Variants in PER1 observed in about 807,000 individuals in gnomAD.
PER1 encodes the protein period circadian protein homolog 1.
A neutral mutation model predicts 125.9 loss-of-function variants in PER1; 87 were observed. The observed-to-expected ratio is 0.69, with a 90% confidence interval of 0.58 to 0.83. The LOEUF is 0.83. Ranked by LOEUF, PER1 falls within the 40% of genes least tolerant of loss-of-function variation. The pLI, the probability that PER1 is intolerant of heterozygous loss-of-function variation, is 0.00. For missense variants in PER1, 1,775 were observed against 1,722.8 expected (o/e 1.03, Z -0.54); for synonymous variants, 801 against 714.7 (o/e 1.12, Z -1.93).
Position 8,141,954 on chromosome 17 carries a change from C to G in PER1, c.3451G>C (p.Asp1151His). 1 of 1,613,906 alleles carries G rather than the reference C, an allele frequency of 6.2e-7. No homozygotes were observed. Among genetic ancestry groups the G allele is most frequent in the Middle Eastern group, 1.6e-4 (1 of 6,062 alleles). Residue 1151 changes from aspartate to histidine, a missense_variant and splice_region_variant, in exon 22 of 23, where the codon GAC (aspartate) becomes CAC (histidine). By Grantham distance (81) the Asp-to-His change is moderately conservative (BLOSUM62 -1). Transcript: ENST00000317276. ...TCCTGCTTCAGCACAGAGGTCATGT[C>G]CCTGCCCAAGAAGGGGTTCAGAAGG... ...VMMTYQVPSR[D>H]MTSVLKQDRE...
intron 17 of PER1, 85 bp from the exon 18 acceptor site, chr17:8,145,078 T>C: frequency 7.6e-7 from 1 of 1,324,362 alleles, no homozygotes; most frequent in Non-Finnish European, 9.7e-7. Context: ...TCTGATAGCC[T>C]AGCCAACCCC....
At position 8,141,209 on chromosome 17, in the gene PER1, G is replaced by A. The variant is rs770446274; in HGVS notation, c.3732C>T (p.Gly1244=). 1.9e-6 allele frequency: 3 copies of A among 1,614,134 alleles called. No individual in the cohort carries two copies. The highest frequency in any genetic ancestry group is 2.5e-6 in the Non-Finnish European group (3 of 1,180,024). Residue 1244 remains glycine (G), a synonymous_variant, in exon 23 of 23, where the codon GGC becomes GGT. Coordinates refer to ENST00000317276, the MANE Select transcript of PER1 (RefSeq NM_002616.3). The part of the protein sequence containing the change: ...GGGEQGSSGG[G]SGEGEGCEEA... ...CCTCGCAGCCCTCTCCCTCACCACT[G>A]CCGCCACCGCTGCTGCCCTGCTCGC...
chr17:8,142,227 A>G lies in PER1; in HGVS notation c.3449+42T>C, dbSNP rs775050118. On this transcript the variant is annotated intron_variant, in intron 21 of 22. Coordinates refer to ENST00000317276, the MANE Select transcript of PER1 (RefSeq NM_002616.3). ...AGAAAAGAAAACTGCCCCCACTACT[A>G]CCTCTGAAAGGAAGGCCAAGAAGGC... 2.0e-6 allele frequency: 3 copies of G among 1,492,616 alleles called. No homozygotes were observed. The South Asian group carries it at 3.8e-5, about 19-fold the overall frequency. 92.5% of individuals were successfully genotyped at this position (1,492,616 alleles called of 1,614,324 possible).
In PER1 at chr17:8,143,289, C is replaced by T. The variant is rs775818031; in HGVS notation, c.3049G>A (p.Ala1017Thr). The T allele has an allele frequency of 1.3e-6, 2 of 1,569,114 alleles. No homozygotes were observed. Among genetic ancestry groups the T allele is most frequent in the South Asian group, 1.2e-5 (1 of 83,814 alleles). The change falls in exon 19 of 23, where the codon GCT becomes ACT. Residue 1017 changes from alanine (A) to threonine (T), a missense_variant. Ala to Thr is a moderately conservative substitution (Grantham distance 58). Coordinates refer to ENST00000317276, the MANE Select transcript of PER1 (RefSeq NM_002616.3). ...SAGPPPPSAE[A>T]AEPEARLAEV... ...ACCAGTCTGGCCTCTGGCTCAGCAG[C>T]CTCCGCACTGGGAGGTGGGGGCCCG...
In PER1 at chr17:8,143,369, T is replaced by A; in HGVS notation, c.2969A>T (p.Glu990Val). 6.2e-7 allele frequency: 1 copy of A among 1,613,078 alleles called. No homozygotes were observed. Among genetic ancestry groups the A allele is most frequent in the Non-Finnish European group, 8.5e-7 (1 of 1,179,562 alleles). ...SPLQLNLLQL[E>V]ELPRAEGAAV... is the part of the protein sequence containing the mutation. ...AGCCCCCTCAGCACGGGGGAGCTCC[T>A]CCAGCTGCAGCAGATTGAGCTGGAG... The change falls in exon 19 of 23, where the codon GAG (glutamate) becomes GTG (valine). Residue 990 changes from glutamate to valine, a missense_variant. By Grantham distance (121) the Glu-to-Val change is moderately radical (BLOSUM62 -2). Coordinates refer to ENST00000317276, the MANE Select transcript of PER1 (RefSeq NM_002616.3).
At chr17:8,142,232 T>G (rs1395957922) in intron 21 of PER1, 37 bp downstream of exon 21, 2 of 1,522,928 alleles carry the variant, frequency 1.3e-6, no homozygotes, top group Admixed American at 4.1e-5. Context: ...CTACTACCTC[T>G]GAAAGGAAGG....
intron 2 of PER1, 56 bp downstream of exon 2, chr17:8,150,376 C>A: frequency 6.4e-7 from 1 of 1,560,232 alleles, no homozygotes; most frequent in Non-Finnish European, 8.7e-7. Context: ...GCCTGTCACC[C>A]AGCTCTGCCT....
intron 5 of PER1, 23 bp downstream of exon 5, chr17:8,149,732 G>A (rs764726203): frequency 1.2e-6 from 2 of 1,612,670 alleles, no homozygotes; most frequent in South Asian, 2.2e-5. Flanking sequence ...GCGTCGGGAT[G>A]CAGAGGCCAG....
rs141346567 is a variant in PER1 at position 8,142,775 on chromosome 17, G to T, written c.3133C>A (p.Leu1045Ile). 3.5e-4 allele frequency: 560 copies of T among 1,613,414 alleles called. No homozygotes were observed. The highest frequency in any genetic ancestry group is 4.4e-4 in the Non-Finnish European group (524 of 1,179,976). Residue 1045 changes from leucine (L) to isoleucine (I), a missense_variant, in exon 20 of 23, where the codon CTT becomes ATT. Transcript: ENST00000317276. ...GAGCGCGAGTCCTCTTGCAGCAGAAGTTCGAGCAGGTCACTGGAGCCGGAA... is the reference window on the plus strand; with the variant it reads ...GAGCGCGAGTCCTCTTGCAGCAGAATTTCGAGCAGGTCACTGGAGCCGGAA... Reference protein sequence around the residue: ...ALSGSSDLLELLLQEDSRSGT... With the variant: ...ALSGSSDLLEILLQEDSRSGT...
In PER1 at chr17:8,143,280, G is replaced by C; in HGVS notation, c.3058C>G (p.Pro1020Ala). 1 of 1,555,688 alleles carries C rather than the reference G, an allele frequency of 6.4e-7. No individual in the cohort carries two copies. Among genetic ancestry groups the C allele is most frequent in the Admixed American group, 1.8e-5 (1 of 54,820 alleles). Residue 1020 changes from proline to alanine, a missense_variant, in exon 19 of 23, where the codon CCA (proline) becomes GCA (alanine). Transcript: ENST00000317276. ...TCAGTGCTCACCAGTCTGGCCTCTGGCTCAGCAGCCTCCGCACTGGGAGGT... is the reference window on the plus strand; with the variant it reads ...TCAGTGCTCACCAGTCTGGCCTCTGCCTCAGCAGCCTCCGCACTGGGAGGT... ...PPPPSAEAAEPEARLAEVTES... is the reference protein window; with the variant it reads ...PPPPSAEAAEAEARLAEVTES...
chr17:8,147,858 A>G, intron 10 of PER1, 31 bp from the exon 11 acceptor site: 1 of 1,612,528 alleles, frequency 6.2e-7, no homozygotes, highest in Non-Finnish European at 8.5e-7. Flanking sequence ...GGAGCGGTCA[A>G]AGGGAGGGAG....
chr17:8,150,787 G>A lies in PER1; in HGVS notation c.-81C>T. Reference sequence around the variant, plus strand: ...CGAGGGGGCCTGGAGGCTTGGCTGAGGGAGTGAGGTGGAAGATCTAAGTCT... The same window carrying A: ...CGAGGGGGCCTGGAGGCTTGGCTGAAGGAGTGAGGTGGAAGATCTAAGTCT... On this transcript the variant is annotated 5_prime_UTR_variant, in exon 2 of 23. Transcript: ENST00000317276. 7.5e-7 allele frequency: 1 copy of A among 1,328,840 alleles called. No individual in the cohort carries two copies. The highest frequency in any genetic ancestry group is 2.7e-4 in the Middle Eastern group (1 of 3,644). The allele number at this position is 1,328,840 out of a possible 1,614,324, so 82.3% of individuals were successfully genotyped here.
chr17:8,149,551 G>C lies in PER1; in HGVS notation c.764C>G (p.Ser255Cys). 1.9e-6 allele frequency: 3 copies of C among 1,613,958 alleles called. No individual in the cohort carries two copies. Among genetic ancestry groups the C allele is most frequent in the Non-Finnish European group, 2.5e-6 (3 of 1,179,988 alleles). ...KRDVFRGTRFSELLAPQDVGV... is the reference protein window; with the variant it reads ...KRDVFRGTRFCELLAPQDVGV... The stretch of plus-strand genomic sequence containing the variant: ...CACATCCTGGGGAGCCAGGAGCTCA[G>C]AGAAGCGGGTACCCCGGAACACGTC... The change falls in exon 6 of 23, where the codon TCT (serine) becomes TGT (cysteine). Residue 255 changes from serine to cysteine, a missense_variant. Transcript: ENST00000317276.
intron 1 of PER1, 138 bp from the exon 2 acceptor site, chr17:8,150,983 A>G (rs1308323484): frequency 1.4e-5 from 6 of 443,716 alleles, no homozygotes; most frequent in African/African-American, 8.0e-5. Context: ...GGGGCTTCCA[A>G]TGGGGAGTCA....
At position 8,146,928 on chromosome 17, in the gene PER1, C is replaced by T; in HGVS notation, c.1704G>A (p.Arg568=). ...GGCGGGGCCGGGACTGAGGCCGGGCCCGAGACTCAATAAAAAGCTGCTGGC... is the reference window on the plus strand; with the variant it reads ...GGCGGGGCCGGGACTGAGGCCGGGCTCGAGACTCAATAAAAAGCTGCTGGC... The part of the protein sequence containing the change: ...HQGQQLFIES[R]ARPQSRPRLP... Residue 568 remains arginine (R), a synonymous_variant, in exon 14 of 23, where the codon CGG becomes CGA. Coordinates refer to ENST00000317276, the MANE Select transcript of PER1 (RefSeq NM_002616.3). 1.9e-6 allele frequency: 3 copies of T among 1,614,010 alleles called. No homozygotes were observed. The highest frequency in any genetic ancestry group is 2.5e-6 in the Non-Finnish European group (3 of 1,179,966).
chr17:8,142,734 T>C lies in PER1; in HGVS notation c.3174A>G (p.Ala1058=), dbSNP rs765298240. The C allele has an allele frequency of 1.2e-6, 2 of 1,613,990 alleles. No individual in the cohort carries two copies. The highest frequency in any genetic ancestry group is 4.5e-5 in the East Asian group (2 of 44,874). ...AGCCAGAGCCCAAGGAGCCCGAGGC[T>C]GCGGAGCCTGTGCCGGAGCGCGAGT... is the stretch of plus-strand genomic sequence containing the variant. ...QEDSRSGTGS[A]ASGSLGSGLG... The change falls in exon 20 of 23, where the codon GCA becomes GCG. Residue 1058 remains alanine, a synonymous_variant. Coordinates refer to ENST00000317276, the MANE Select transcript of PER1 (RefSeq NM_002616.3).
At position 8,144,786 on chromosome 17, in the gene PER1, C is replaced by T; in HGVS notation, c.2426G>A (p.Ser809Asn). Reference protein sequence around the residue: ...RDLGRLRGLDSSSTAPSALGE... With the variant: ...RDLGRLRGLDNSSTAPSALGE... The stretch of plus-strand genomic sequence containing the variant: ...AAGGGCTGAGGGAGCTGTGGAAGAG[C>T]TGTCGAGTCCACGCAGCCTGCCCAG... The change falls in exon 18 of 23, where the codon AGC becomes AAC. Residue 809 changes from serine (S) to asparagine (N), a missense_variant. Ser to Asn is a conservative substitution (Grantham distance 46). Coordinates refer to ENST00000317276, the MANE Select transcript of PER1 (RefSeq NM_002616.3). 6.3e-7 allele frequency: 1 copy of T among 1,581,516 alleles called. No individual in the cohort carries two copies. Among genetic ancestry groups the T allele is most frequent in the Non-Finnish European group, 8.6e-7 (1 of 1,164,390 alleles).
Position 8,141,036 on chromosome 17 carries a change from A to T in PER1, c.*32T>A, listed in dbSNP as rs372252358. ...GGGACATAGGAGAAGAAAGCCTCTCATGGACTCCTGGAGATGGTCCCAGAA... is the reference window on the plus strand; with the variant it reads ...GGGACATAGGAGAAGAAAGCCTCTCTTGGACTCCTGGAGATGGTCCCAGAA... On this transcript the variant is annotated 3_prime_UTR_variant, in exon 23 of 23. Transcript: ENST00000317276. 22 of 1,582,816 alleles carry T rather than the reference A, an allele frequency of 1.4e-5. No homozygotes were observed. The African/African-American group carries it at 2.6e-4, about 18-fold the overall frequency.
At chr17:8,144,624 G>A in intron 18 of PER1, 127 bp downstream of exon 18, 2 of 1,278,768 alleles carry the variant, frequency 1.6e-6, no homozygotes, top group African/African-American at 1.5e-5. Flanking sequence ...CCCTAGGCAG[G>A]GCCTAGTGGT....
Sources: allele counts gnomAD v4.1 joint callset, GRCh38; gene constraint gnomAD v4.1.1; transcripts MANE v1.5; gene names NCBI Gene and HGNC (gene_info 2026-07-23, HGNC 2026-07-21).